Variants in HTR2C observed in about 807,000 individuals in gnomAD.
The protein encoded by HTR2C is 5-hydroxytryptamine receptor 2C.
Under a neutral mutation model 21.0 loss-of-function variants are expected in HTR2C, and 5 were observed. That is an observed-to-expected ratio of 0.24 (90% CI 0.12 to 0.50). The LOEUF is 0.50. Among genes scored for constraint, HTR2C ranks in the 20% least tolerant of loss-of-function variants. The pLI is 0.98. For missense variants in HTR2C, 271 were observed against 371.2 expected (o/e 0.73, Z 2.22); for synonymous variants, 150 against 145.3 (o/e 1.03, Z -0.23).
intron 5 of HTR2C, among the ~76,000 whole-genome samples, chrX:114,849,795 A>G (rs1556468714): frequency 1.8e-5 from 2 of 112,081 alleles, no homozygotes; most frequent in Non-Finnish European, 3.8e-5. Flanking sequence ...GGCATAAACA[A>G]ACAAAAAAAA....
At chrX:114,725,457 T>C (rs1556421674) in intron 2 of HTR2C, among the ~76,000 whole-genome samples, 1 of 111,536 alleles carries the variant, frequency 9.0e-6, no homozygotes, top group Non-Finnish European at 1.9e-5. Context: ...TGCCTTTGGT[T>C]TGAATTTCCT....
chrX:114,757,590 A>G (rs1556430643), intron 4 of HTR2C, among the ~76,000 whole-genome samples: 1 of 111,792 alleles, frequency 8.9e-6, no homozygotes, highest in African/African-American at 3.2e-5. Flanking sequence ...TCAACTTGAA[A>G]TTCTATAGTG....
intron 1 of HTR2C, among the ~76,000 whole-genome samples, chrX:114,602,016 C>G (rs1482489900): frequency 5.9e-5 from 6 of 101,359 alleles, no homozygotes; most frequent in Non-Finnish European, 1.2e-4. Context: ...AATGGAATAA[C>G]AGAAGGAGAA....
chrX:114,621,041 T>C (rs1339490364), intron 2 of HTR2C, among the ~76,000 whole-genome samples: 3 of 111,702 alleles, frequency 2.7e-5, no homozygotes, highest in African/African-American at 9.7e-5. Context: ...CCACCATGCC[T>C]GGCTAATTTT....
intron 2 of HTR2C, among the ~76,000 whole-genome samples, chrX:114,624,302 TC>T (rs781911373): frequency 2.8e-4 from 31 of 111,428 alleles, no homozygotes; most frequent in Non-Finnish European, 5.8e-4. Context: ...AACAACTCTT[TC>T]CATTATTACT....
intron 5 of HTR2C, among the ~76,000 whole-genome samples, chrX:114,898,786 G>A (rs1369690605): frequency 9.0e-6 from 1 of 111,613 alleles, no homozygotes; most frequent in Non-Finnish European, 1.9e-5. Context: ...ATGCTGTTTT[G>A]GTTACTGTGG....
intron 4 of HTR2C, among the ~76,000 whole-genome samples, chrX:114,792,115 A>T (rs1036106971): frequency 3.6e-5 from 4 of 111,999 alleles, no homozygotes; most frequent in Non-Finnish European, 5.6e-5. Context: ...TTTTTATTTT[A>T]ATTTTTTTAT....
chrX:114,683,216 C>A (rs1403447619), intron 2 of HTR2C, among the ~76,000 whole-genome samples: 1 of 111,396 alleles, frequency 9.0e-6, no homozygotes, highest in African/African-American at 3.3e-5. Context: ...AGGTTCTTTA[C>A]AACACTCGTT....
intron 2 of HTR2C, among the ~76,000 whole-genome samples, chrX:114,633,932 G>GTGTATATATATA (rs1556404801): frequency 1.1e-4 from 10 of 89,421 alleles, no homozygotes; most frequent in African/African-American, 4.2e-4. Context: ...ATATGCATGT[G>GTGTATATATATA]TATATATATA....
intron 1 of HTR2C, among the ~76,000 whole-genome samples, chrX:114,600,604 T>A (rs1404720968): frequency 9.0e-6 from 1 of 111,108 alleles, no homozygotes; most frequent in African/African-American, 3.3e-5. Context: ...ATATTAAAAA[T>A]ATTTTAAAAT....
At chrX:114,741,975 T>C (rs73638467) in intron 4 of HTR2C, among the ~76,000 whole-genome samples, 4,003 of 110,884 alleles carry the variant, frequency 0.036, 193 homozygotes, top group African/African-American at 0.12. Context: ...TTAATCCTTA[T>C]GGAAACCCAA....
chrX:114,615,533 G>A (rs1027277003), intron 2 of HTR2C, among the ~76,000 whole-genome samples: 23 of 111,847 alleles, frequency 2.1e-4, no homozygotes, highest in Non-Finnish European at 4.1e-4. Flanking sequence ...GGTTAACCTG[G>A]ACATGCAGGT....
At chrX:114,657,703 A>G (rs1930833688) in intron 2 of HTR2C, among the ~76,000 whole-genome samples, 1 of 110,928 alleles carries the variant, frequency 9.0e-6, no homozygotes, top group Admixed American at 9.6e-5. Context: ...ATTTTTTTAT[A>G]TATATTTTTT....
At chrX:114,653,244 A>T (rs1269224360) in intron 2 of HTR2C, among the ~76,000 whole-genome samples, 1 of 110,442 alleles carries the variant, frequency 9.1e-6, no homozygotes, top group Non-Finnish European at 1.9e-5. Context: ...AGCCTAAGTT[A>T]TTAAAAATTA....
chrX:114,635,246 AAT>A (rs1304737919), intron 2 of HTR2C, among the ~76,000 whole-genome samples: 1 of 112,168 alleles, frequency 8.9e-6, no homozygotes, highest in African/African-American at 3.2e-5. Context: ...ATTCTTGCCA[AAT>A]GTGTTTTTTA....
chrX:114,723,013 G>A (rs781970056), intron 2 of HTR2C, among the ~76,000 whole-genome samples: 243 of 111,495 alleles, frequency 2.2e-3, no homozygotes, highest in African/African-American at 7.2e-3. Flanking sequence ...TTGGTATCAG[G>A]ATGATGCTGG....
intron 4 of HTR2C, among the ~76,000 whole-genome samples, chrX:114,794,947 G>A (rs1246169054): frequency 1.7e-4 from 18 of 108,779 alleles, no homozygotes; most frequent in African/African-American, 5.4e-4. Context: ...CTGAGGAATC[G>A]CCACACTGAC....
chrX:114,769,207 A>G (rs1169413280), intron 4 of HTR2C, among the ~76,000 whole-genome samples: 1 of 111,499 alleles, frequency 9.0e-6, no homozygotes, highest in Non-Finnish European at 1.9e-5. Context: ...GCCTTGAGGA[A>G]ATGATTTTAT....
chrX:114,736,012 T>C (rs1359996470), intron 4 of HTR2C, among the ~76,000 whole-genome samples: 2 of 108,807 alleles, frequency 1.8e-5, no homozygotes, highest in African/African-American at 6.7e-5. Context: ...ACTCGGGAGG[T>C]TGAGGCAGGA....
Sources: gnomAD v4.1 joint callset for allele counts (sites outside exome capture counted in the v4.1 genomes callset) on GRCh38, gnomAD v4.1.1 for gene constraint, MANE v1.5 for transcripts, NCBI Gene and HGNC (gene_info 2026-07-23, HGNC 2026-07-21) for gene names.